Variants in GBP3 observed in about 807,000 individuals in gnomAD.
GBP3 encodes the protein guanylate binding protein 3, also known as guanylate-binding protein 3.
GBP3 carries 55 observed loss-of-function variants against 62.4 expected under a neutral mutation model. The observed-to-expected ratio is 0.88, with a 90% confidence interval of 0.71 to 1.10. The LOEUF (loss-of-function observed/expected upper bound fraction) is 1.10, where lower values mean the gene tolerates loss of function less well. Among genes scored for constraint, GBP3 ranks in the 50% least tolerant of loss-of-function variants. GBP3 has a pLI of 0.00. For synonymous variants in GBP3, 208 were observed against 259.2 expected, an observed-to-expected ratio of 0.80 and a Z score of 1.90; for missense variants, 605 against 690.6, an observed-to-expected ratio of 0.88 and a Z score of 1.39.
intron 10 of GBP3, 43 bp from the exon 11 acceptor site, chr1:89,007,895 T>A (rs1161785763): frequency 2.5e-6 from 4 of 1,570,702 alleles, no homozygotes; most frequent in Non-Finnish European, 3.5e-6. Flanking sequence ...TAGCATTAAG[T>A]AAATCTCTGT....
intron 6 of GBP3, among the ~76,000 whole-genome samples, 181 bp downstream of exon 6, chr1:89,013,003 TA>T (rs148388176): frequency 0.51 from 76,245 of 150,380 alleles, 20,397 homozygotes; most frequent in African/African-American, 0.66. Flanking sequence ...ATGCCTCATT[TA>T]TTTTTGTATT....
intron 4 of GBP3, 56 bp downstream of exon 4, chr1:89,014,491 T>A: frequency 6.2e-7 from 1 of 1,614,086 alleles, no homozygotes; most frequent in Non-Finnish European, 8.5e-7. Flanking sequence ...GCAGCTGGTT[T>A]ATGAATACAG....
In GBP3 at chr1:89,020,554, G is replaced by A. The variant is rs149857352; in HGVS notation, c.168C>T (p.Asn56=). 11 of 1,614,024 alleles carry A rather than the reference G, an allele frequency of 6.8e-6. No individual in the cohort carries two copies. The highest frequency in any genetic ancestry group is 9.3e-6 in the Non-Finnish European group (11 of 1,180,022). The change falls in exon 2 of 11, where the codon AAC becomes AAT. Residue 56 remains asparagine, a synonymous_variant. Transcript: ENST00000370481. ...CACCCTTATTCTTCCCAGCTAGCTT[G>A]TTCATCAGGTAGGATTTTCCTGTGC... ...LYRTGKSYLM[N]KLAGKNKGFS... is the part of the protein sequence containing the mutation.
At chr1:89,021,852 G>GTCAGACAAGGGAGATA in intron 1 of GBP3, among the ~76,000 whole-genome samples, 1 of 137,532 alleles carries the variant, frequency 7.3e-6, no homozygotes, top group Admixed American at 7.4e-5. Flanking sequence ...CAAGGGAGAT[G>GTCAGACAAGGGAGATA]TCAGACAAGG....
chr1:89,014,321 C>A lies in GBP3; in HGVS notation c.429-42G>T. 1.9e-6 allele frequency: 3 copies of A among 1,613,630 alleles called. No individual in the cohort carries two copies. The East Asian group carries it at 6.7e-5, about 36-fold the overall frequency. On this transcript the variant is annotated intron_variant, in intron 4 of 10. Coordinates refer to ENST00000370481, the MANE Select transcript of GBP3 (RefSeq NM_018284.3). ...GGAAATGTGACAAAATGAACAGGAA[C>A]CTCATCCCATATTAGTTCAACACAT...
At chr1:89,009,179 G>T (rs1474284085) in intron 9 of GBP3, 39 bp from the exon 10 acceptor site, 1 of 1,595,798 alleles carries the variant, frequency 6.3e-7, no homozygotes, top group Non-Finnish European at 8.6e-7. Context: ...GAGTTATCTT[G>T]TTGCCTCATT....
Position 89,006,860 on chromosome 1 carries a change from A to G in GBP3, c.*864T>C, listed in dbSNP as rs1678244239. On this transcript the variant is annotated 3_prime_UTR_variant, in exon 11 of 11. Coordinates refer to ENST00000370481, the MANE Select transcript of GBP3 (RefSeq NM_018284.3). ...AAAAAATTCCATATTCCCTTTGGGG[A>G]AAATTGGCAGGATTTCAAGTATGAC... 6.6e-6 allele frequency: 1 copy of G among 152,232 alleles called. No homozygotes were observed. The highest frequency in any genetic ancestry group is 2.4e-5 in the African/African-American group (1 of 41,468). 9.4% of individuals were successfully genotyped at this position (152,232 alleles called of 1,614,324 possible). A position where few individuals can be genotyped will look rare whatever the true frequency, so the allele number is the denominator to read the frequency against.
chr1:89,013,043 G>A, intron 6 of GBP3, 142 bp downstream of exon 6: 1 of 832,842 alleles, frequency 1.2e-6, no homozygotes, highest in Non-Finnish European at 1.9e-6. Context: ...TTGCCATGTG[G>A]GCTAGGTTGG....
Position 89,010,953 on chromosome 1 carries a change from A to G in GBP3, c.1313T>C (p.Leu438Pro). ...ATAGTACTTTTTCTCCAGGTCTTGT[A>G]GCTTCTGAATAAAGAGACAATAGCC... ...PGGYCLFIQK[L>P]QDLEKKYYEE... is the part of the protein sequence containing the mutation. Residue 438 changes from leucine (L) to proline (P), a missense_variant, in exon 8 of 11, where the codon CTA becomes CCA. Coordinates refer to ENST00000370481, the MANE Select transcript of GBP3 (RefSeq NM_018284.3). 6.8e-7 allele frequency: 1 copy of G among 1,461,526 alleles called. No individual in the cohort carries two copies. Among genetic ancestry groups the G allele is most frequent in the Admixed American group, 1.8e-5 (1 of 55,840 alleles). The allele number at this position is 1,461,526 out of a possible 1,614,324, so 90.5% of individuals were successfully genotyped here. A position where few individuals can be genotyped will look rare whatever the true frequency, so the allele number is the denominator to read the frequency against.
Position 89,021,508 on chromosome 1 carries a change from G to GTGCACA in GBP3, c.-22-766_-22-765insTGTGCA, listed in dbSNP as rs879708756. Among the ~76,000 whole-genome samples the GTGCACA allele has an allele frequency of 1.7e-4, 9 of 53,528 alleles. No homozygotes were observed. In the East Asian group the frequency reaches 2.1e-3, roughly 13 times the overall value. The allele number at this position is 53,528 out of a possible 152,430, so 35.1% of individuals were successfully genotyped here. A position where few individuals can be genotyped will look rare whatever the true frequency, so the allele number is the denominator to read the frequency against. ...TGCTAAGAAACACGCATGCGCGCGC[G>GTGCACA]CGCACACACACACACACACACACAC... On this transcript the variant is annotated intron_variant, in intron 1 of 10. Coordinates refer to ENST00000370481, the MANE Select transcript of GBP3 (RefSeq NM_018284.3).
Position 89,022,832 on chromosome 1 carries a change from T to C in GBP3, c.-171A>G, listed in dbSNP as rs781311544. 11 of 152,192 alleles carry C rather than the reference T, an allele frequency of 7.2e-5. No homozygotes were observed. The highest frequency in any genetic ancestry group is 1.5e-4 in the Non-Finnish European group (10 of 68,028). 9.4% of individuals were successfully genotyped at this position (152,192 alleles called of 1,614,324 possible). A position where few individuals can be genotyped will look rare whatever the true frequency, so the allele number is the denominator to read the frequency against. On this transcript the variant is annotated 5_prime_UTR_variant, in exon 1 of 11. Coordinates refer to ENST00000370481, the MANE Select transcript of GBP3 (RefSeq NM_018284.3). ...CAAATAATTAGAAGTTAAGCAACCT[T>C]TGTAATGGCTTCAGAGCCTAATGAA...
chr1:89,009,962 C>T (rs774817526), intron 8 of GBP3, among the ~76,000 whole-genome samples: 7 of 152,018 alleles, frequency 4.6e-5, no homozygotes, highest in East Asian at 1.9e-4. Flanking sequence ...AAACCTAAAA[C>T]GATGAATTAC....
chr1:89,013,083 C>T (rs1678663346), intron 6 of GBP3, 102 bp downstream of exon 6: 1 of 1,301,328 alleles, frequency 7.7e-7, no homozygotes. Context: ...AGTGATCTGC[C>T]CTCCTCGGCC....
intron 2 of GBP3, among the ~76,000 whole-genome samples, chr1:89,017,925 A>T (rs553369907): frequency 6.6e-6 from 1 of 152,194 alleles, no homozygotes; most frequent in Non-Finnish European, 1.5e-5. Context: ...CTAAAAATAC[A>T]AAACTGAGCC....
intron 2 of GBP3, among the ~76,000 whole-genome samples, chr1:89,016,388 G>A (rs188124523): frequency 9.4e-4 from 143 of 151,980 alleles, no homozygotes; most frequent in Admixed American, 1.9e-3. Flanking sequence ...GTGTGGTGGC[G>A]GGCACCTGTA....
At chr1:89,015,491 T>G in intron 2 of GBP3, 77 bp from the exon 3 acceptor site, 1 of 1,400,942 alleles carries the variant, frequency 7.1e-7, no homozygotes, top group Non-Finnish European at 9.9e-7. Flanking sequence ...AAATGTAGCA[T>G]CATGATTAAT....
At position 89,009,159 on chromosome 1, in the gene GBP3, C is replaced by T. The variant is rs747825921; in HGVS notation, c.1466-19G>A. 29 of 1,610,960 alleles carry T rather than the reference C, an allele frequency of 1.8e-5. No individual in the cohort carries two copies. The Admixed American group carries it at 4.2e-4, about 23-fold the overall frequency. ...CATTCCACTGTGGAGGAAGAAGAAA[C>T]ATTTGTGTGGAGTTATCTTGTTGCC... On this transcript the variant is annotated intron_variant, in intron 9 of 10. Coordinates refer to ENST00000370481, the MANE Select transcript of GBP3 (RefSeq NM_018284.3).
At chr1:89,021,508 G>GCGCGCA (rs1679195690) in intron 1 of GBP3, among the ~76,000 whole-genome samples, 1 of 53,470 alleles carries the variant, frequency 1.9e-5, no homozygotes, top group African/African-American at 7.3e-5. Flanking sequence ...ATGCGCGCGC[G>GCGCGCA]CGCACACACA....
rs895861174 is a variant in GBP3 at position 89,013,223 on chromosome 1, G to A, written c.830C>T (p.Thr277Ile). The A allele has an allele frequency of 6.2e-7, 1 of 1,614,064 alleles. No homozygotes were observed. The highest frequency in any genetic ancestry group is 8.5e-7 in the Non-Finnish European group (1 of 1,180,014). Residue 277 changes from threonine to isoleucine, a missense_variant, in exon 6 of 11, where the codon ACT becomes ATT. Transcript: ENST00000370481. ...FCSYIFSNSKTKTLSGGIKVN... is the reference protein window; with the variant it reads ...FCSYIFSNSKIKTLSGGIKVN... ...CTTGATGCCTCCTGAAAGAGTTTTA[G>A]TTTTGGAATTGCTAAAGATGTAGGA...
Sources: allele counts gnomAD v4.1 joint callset (sites outside exome capture counted in the v4.1 genomes callset), GRCh38; gene constraint gnomAD v4.1.1; transcripts MANE v1.5; gene names NCBI Gene and HGNC (gene_info 2026-07-23, HGNC 2026-07-21).